The following AGBL1 variants were observed in gnomAD, a reference collection of about 807,000 sequenced individuals.
AGBL1 encodes the protein AGBL carboxypeptidase 1, also known as cytosolic carboxypeptidase 4.
AGBL1 carries 130 observed loss-of-function variants against 118.9 expected under a neutral mutation model. The ratio of observed to expected loss-of-function variants is 1.09; its 90% confidence interval spans 0.95 to 1.26. The LOEUF (loss-of-function observed/expected upper bound fraction) is 1.26, where lower values mean the gene tolerates loss of function less well. Ranked by LOEUF, AGBL1 falls within the 50% of genes most tolerant of loss-of-function variation. AGBL1 has a pLI of 0.00. For missense variants in AGBL1, 1,584 were observed against 1,298.1 expected, an observed-to-expected ratio of 1.22 and a Z score of -3.38; for synonymous variants, 555 against 478.9, an observed-to-expected ratio of 1.16 and a Z score of -2.08.
At chr15:86,364,981 A>ATATG (rs1567219435) in intron 17 of AGBL1, among the ~76,000 whole-genome samples, 9 of 76,286 alleles carry the variant, frequency 1.2e-4, no homozygotes, top group South Asian at 7.8e-4. Context: ...ATATATATAT[A>ATATG]TATATATACA....
chr15:86,432,111 C>G (rs1180084129), intron 18 of AGBL1, among the ~76,000 whole-genome samples: 1 of 152,192 alleles, frequency 6.6e-6, no homozygotes, highest in Non-Finnish European at 1.5e-5. Context: ...TGCTAAGGAC[C>G]TGGCATAAGG....
At chr15:86,536,482 T>C (rs920781461) in intron 19 of AGBL1, among the ~76,000 whole-genome samples, 3 of 152,122 alleles carry the variant, frequency 2.0e-5, no homozygotes, top group Non-Finnish European at 2.9e-5. Flanking sequence ...GGCTAATTTT[T>C]GTATTTTTAG....
At chr15:86,987,879 T>G in intron 23 of AGBL1, 1 of 1,344,078 alleles carries the variant, frequency 7.4e-7, no homozygotes, top group Non-Finnish European at 1.0e-6. Context: ...CCTATTAAAG[T>G]TTGTTTTTCC....
At chr15:86,916,218 C>A (rs1349930578), downstream of AGBL1, 1 of 152,152 alleles carries the variant, frequency 6.6e-6, no homozygotes, top group South Asian at 2.1e-4. Flanking sequence ...TATTCCCAGT[C>A]AAAGAGACCA....
intron 17 of AGBL1, among the ~76,000 whole-genome samples, chr15:86,325,958 G>A (rs1436698495): frequency 6.6e-5 from 10 of 152,100 alleles, no homozygotes; most frequent in Non-Finnish European, 1.2e-4. Context: ...TCCTACATGA[G>A]CAGGAAGTTC....
At chr15:86,853,081 G>A (rs1394451907) in intron 22 of AGBL1, among the ~76,000 whole-genome samples, 2 of 152,158 alleles carry the variant, frequency 1.3e-5, no homozygotes, top group Non-Finnish European at 2.9e-5. Context: ...CACACCCCAT[G>A]CCAATTAAAT....
At chr15:86,943,118 G>A (rs1015821261) in intron 23 of AGBL1, among the ~76,000 whole-genome samples, 1 of 152,152 alleles carries the variant, frequency 6.6e-6, no homozygotes, top group Non-Finnish European at 1.5e-5. Context: ...CAGTGTAAAA[G>A]CTCTAAAATC....
At chr15:86,704,320 C>G (rs763306908) in intron 22 of AGBL1, among the ~76,000 whole-genome samples, 10 of 152,140 alleles carry the variant, frequency 6.6e-5, no homozygotes, top group Non-Finnish European at 1.3e-4. Flanking sequence ...TTCTGCACAG[C>G]AAAAGAAATT....
intron 22 of AGBL1, among the ~76,000 whole-genome samples, chr15:86,685,123 G>A (rs986193579): frequency 2.6e-5 from 4 of 152,102 alleles, no homozygotes; most frequent in East Asian, 1.9e-4. Flanking sequence ...AGTAGAATCC[G>A]ATACAAGACG....
At chr15:86,244,071 A>ATAAAT (rs2078681167) in intron 6 of AGBL1, among the ~76,000 whole-genome samples, 1 of 148,722 alleles carries the variant, frequency 6.7e-6, no homozygotes, top group East Asian at 1.9e-4. Flanking sequence ...AAGTAAATAA[A>ATAAAT]TAAATAAATA....
At chr15:86,307,845 A>T (rs1458595352) in intron 17 of AGBL1, among the ~76,000 whole-genome samples, 2 of 152,182 alleles carry the variant, frequency 1.3e-5, no homozygotes, top group Non-Finnish European at 2.9e-5. Context: ...AATAAAATGG[A>T]CATCTATGTA....
intron 18 of AGBL1, among the ~76,000 whole-genome samples, chr15:86,433,227 C>CTTCTCCTCCTCT (rs1334174988): frequency 1.5e-4 from 20 of 135,850 alleles, no homozygotes; most frequent in African/African-American, 5.5e-4. Flanking sequence ...TCTTCTTCTT[C>CTTCTCCTCCTCT]TTCTCCTCCT....
At chr15:86,277,861 A>G (rs529370264) in intron 15 of AGBL1, among the ~76,000 whole-genome samples, 2 of 152,362 alleles carry the variant, frequency 1.3e-5, no homozygotes, top group African/African-American at 4.8e-5. Context: ...GCACTCACAC[A>G]TATGTGCTTA....
At chr15:86,130,967 C>T (rs1013436639) in intron 1 of AGBL1, among the ~76,000 whole-genome samples, 2 of 152,110 alleles carry the variant, frequency 1.3e-5, no homozygotes, top group Non-Finnish European at 2.9e-5. Flanking sequence ...TGCTCCCTTC[C>T]ATTATTTGGT....
chr15:86,154,214 A>G (rs1241082725), intron 3 of AGBL1, among the ~76,000 whole-genome samples: 1 of 152,218 alleles, frequency 6.6e-6, no homozygotes, highest in East Asian at 1.9e-4. Context: ...TTCAACCCAC[A>G]AGCTTCCATG....
chr15:86,138,676 T>C (rs1002856943), intron 1 of AGBL1, among the ~76,000 whole-genome samples: 2 of 152,232 alleles, frequency 1.3e-5, no homozygotes, highest in African/African-American at 4.8e-5. Flanking sequence ...CTTCTTTCCC[T>C]TTTCTCCTTC....
intron 22 of AGBL1, among the ~76,000 whole-genome samples, chr15:86,806,056 C>T (rs192516457): frequency 6.6e-6 from 1 of 152,216 alleles, no homozygotes; most frequent in Admixed American, 6.5e-5. Context: ...ATACTTTGGC[C>T]TCACTGTTTG....
At chr15:86,896,141 T>A (rs1365447277) in intron 22 of AGBL1, among the ~76,000 whole-genome samples, 1 of 152,106 alleles carries the variant, frequency 6.6e-6, no homozygotes, top group South Asian at 2.1e-4. Context: ...CCCAAAAAAA[T>A]CTTTTTCTTT....
intron 24 of AGBL1, among the ~76,000 whole-genome samples, chr15:86,998,969 C>T (rs533499404): frequency 2.0e-5 from 3 of 151,028 alleles, no homozygotes; most frequent in East Asian, 1.9e-4. Flanking sequence ...CTCATTAACT[C>T]ATCATTTACA....
Sources: gnomAD v4.1 joint callset for allele counts (sites outside exome capture counted in the v4.1 genomes callset) on GRCh38, gnomAD v4.1.1 for gene constraint, MANE v1.5 for transcripts, NCBI Gene and HGNC (gene_info 2026-07-23, HGNC 2026-07-21) for gene names.